The following PTCD1 variants were observed in gnomAD, a reference collection of about 807,000 sequenced individuals.
PTCD1 encodes the protein pentatricopeptide repeat-containing protein 1, mitochondrial.
PTCD1 carries 50 observed loss-of-function variants against 53.4 expected under a neutral mutation model. That is an observed-to-expected ratio of 0.94 (90% CI 0.75 to 1.19). PTCD1 has a LOEUF of 1.19. Among genes scored for constraint, PTCD1 ranks in the 50% most tolerant of loss-of-function variants. PTCD1 has a pLI of 0.00. For missense variants in PTCD1, 918 were observed against 904.8 expected, an observed-to-expected ratio of 1.01 and a Z score of -0.19; for synonymous variants, 413 against 394.8, an observed-to-expected ratio of 1.05 and a Z score of -0.55.
intron 7 of PTCD1, among the ~76,000 whole-genome samples, chr7:99,422,633 C>G (rs1470087935): frequency 6.6e-6 from 1 of 152,206 alleles, no homozygotes; most frequent in Non-Finnish European, 1.5e-5. Flanking sequence ...AAAAATCGAG[C>G]TGCAGACATA....
chr7:99,427,639 A>G (rs1435644995), intron 5 of PTCD1, among the ~76,000 whole-genome samples: 24 of 148,916 alleles, frequency 1.6e-4, no homozygotes, highest in South Asian at 2.1e-4. Context: ...CCATGATGAC[A>G]GTGGCGGTTT....
Position 99,434,665 on chromosome 7 carries a change from A to G in PTCD1, c.453+125T>C, listed in dbSNP as rs73711277. ...AAAGGGTTGCGATACTTACAGCCAT[A>G]AGGCTGGCAGTTCAACAGGGTAGGC... On this transcript the variant is annotated intron_variant, in intron 2 of 7. Transcript: ENST00000292478. The G allele has an allele frequency of 1.1e-3, 1,268 of 1,186,290 alleles. 14 individuals carry two copies. The African/African-American group carries it at 0.017, about 16-fold the overall frequency. The allele number at this position is 1,186,290 out of a possible 1,614,324, so 73.5% of individuals were successfully genotyped here. A position where few individuals can be genotyped will look rare whatever the true frequency, so the allele number is the denominator to read the frequency against.
At chr7:99,435,721 C>T (rs1796440045) in intron 1 of PTCD1, among the ~76,000 whole-genome samples, 1 of 151,654 alleles carries the variant, frequency 6.6e-6, no homozygotes, top group Non-Finnish European at 1.5e-5. Flanking sequence ...TTTGGGAGGC[C>T]GAGGCGGGCA....
At chr7:99,424,166 C>T (rs138453346) in intron 6 of PTCD1, among the ~76,000 whole-genome samples, 124 of 152,308 alleles carry the variant, frequency 8.1e-4, no homozygotes, top group African/African-American at 2.9e-3. Context: ...CGGAAAAGGA[C>T]GCTCGTGCTG....
chr7:99,422,749 T>C (rs931043140), intron 7 of PTCD1, among the ~76,000 whole-genome samples: 1 of 152,172 alleles, frequency 6.6e-6, no homozygotes, highest in Non-Finnish European at 1.5e-5. Flanking sequence ...CATCTTCCCT[T>C]CTTTGTTGCC....
chr7:99,428,965 G>A, intron 5 of PTCD1, 138 bp downstream of exon 5: 1 of 1,057,694 alleles, frequency 9.5e-7, no homozygotes, highest in Non-Finnish European at 1.4e-6. Flanking sequence ...GGAGGCTACA[G>A]TGGCTGCTGG....
At chr7:99,438,594 A>G (rs1032208961) in intron 1 of PTCD1, 98 bp downstream of exon 1, 11 of 1,137,920 alleles carry the variant, frequency 9.7e-6, no homozygotes, top group South Asian at 5.1e-5. Context: ...CCCTCCTCAG[A>G]CGCCCCCGGC....
Position 99,423,884 on chromosome 7 carries a change from G to A in PTCD1, c.1811C>T (p.Thr604Ile). 1 of 1,614,192 alleles carries A rather than the reference G, an allele frequency of 6.2e-7. No individual in the cohort carries two copies. Among genetic ancestry groups the A allele is most frequent in the Non-Finnish European group, 8.5e-7 (1 of 1,180,042 alleles). ...GTCCTTCAAGATGCTGATGAGATAG[G>A]TGTAGTTCAGCTTCCTGATGGCCGC... ...INAAIRKLNY[T>I]YLISILKDMK... Residue 604 changes from threonine (T) to isoleucine (I), a missense_variant, in exon 7 of 8, where the codon ACC becomes ATC. Coordinates refer to ENST00000292478, the MANE Select transcript of PTCD1 (RefSeq NM_015545.4).
At chr7:99,426,592 C>T (rs905117483) in intron 5 of PTCD1, among the ~76,000 whole-genome samples, 39 of 152,014 alleles carry the variant, frequency 2.6e-4, no homozygotes, top group African/African-American at 6.3e-4. Context: ...CCAAGACGGC[C>T]GCCACCCCGT....
chr7:99,429,257 G>C, intron 4 of PTCD1, 53 bp from the exon 5 acceptor site: 1 of 1,600,256 alleles, frequency 6.2e-7, no homozygotes, highest in Non-Finnish European at 8.6e-7. Context: ...GGCTGGGCAT[G>C]GTAGCTCATG....
chr7:99,423,250 G>A (rs1795896226), intron 7 of PTCD1, among the ~76,000 whole-genome samples: 1 of 152,132 alleles, frequency 6.6e-6, no homozygotes, highest in Non-Finnish European at 1.5e-5. Context: ...CAACGTGCAG[G>A]TGCTGGGGAC....
intron 1 of PTCD1, 47 bp downstream of exon 1, chr7:99,438,645 C>A: frequency 8.1e-7 from 1 of 1,235,814 alleles, no homozygotes; most frequent in Non-Finnish European, 1.0e-6. Flanking sequence ...TCTGGCGTGT[C>A]TTGGCCCGGG....
intron 1 of PTCD1, among the ~76,000 whole-genome samples, chr7:99,437,484 T>C (rs1411456520): frequency 1.3e-5 from 2 of 151,976 alleles, no homozygotes; most frequent in African/African-American, 4.8e-5. Flanking sequence ...TTTGTATTTT[T>C]AGTAGAGACA....
In PTCD1 at chr7:99,418,559, G is replaced by A. The variant is rs1795637672; in HGVS notation, c.*1408C>T. 1 of 152,750 alleles carries A rather than the reference G, an allele frequency of 6.5e-6. No individual in the cohort carries two copies. Among genetic ancestry groups the A allele is most frequent in the African/African-American group, 2.4e-5 (1 of 41,480 alleles). The allele number at this position is 152,750 out of a possible 1,614,324, so 9.5% of individuals were successfully genotyped here. A position where few individuals can be genotyped will look rare whatever the true frequency, so the allele number is the denominator to read the frequency against. ...AGTGAGACTGACAATGGAGAGCTGT[G>A]GCTGGATGCTGAGGACTTGGGTACT... On this transcript the variant is annotated 3_prime_UTR_variant, in exon 8 of 8. Transcript: ENST00000292478.
At chr7:99,435,866 C>A (rs188796444) in intron 1 of PTCD1, among the ~76,000 whole-genome samples, 2,030 of 143,320 alleles carry the variant, frequency 0.014, 22 homozygotes, top group Non-Finnish European at 0.02. Context: ...ACCCAGGAGA[C>A]GGAGCTTGCA....
chr7:99,426,749 G>A (rs1242509674), intron 5 of PTCD1, among the ~76,000 whole-genome samples: 2 of 151,722 alleles, frequency 1.3e-5, no homozygotes, highest in South Asian at 2.1e-4. Context: ...CTTCCCGGCC[G>A]CCATCCCATC....
At chr7:99,424,359 C>T (rs114445721) in intron 6 of PTCD1, among the ~76,000 whole-genome samples, 1,725 of 152,294 alleles carry the variant, frequency 0.011, 27 homozygotes, top group African/African-American at 0.038. Context: ...GACCTGGGGA[C>T]ACCGACAACC....
rs1796335871 is a variant in PTCD1, at chr7:99,433,362, C to A, written c.510G>T (p.Gln170His). 1 of 1,614,096 alleles carries A rather than the reference C, an allele frequency of 6.2e-7. No homozygotes were observed. Among genetic ancestry groups the A allele is most frequent in the African/African-American group, 1.3e-5 (1 of 74,916 alleles). The change falls in exon 3 of 8, where the codon CAG (glutamine) becomes CAT (histidine). Residue 170 changes from glutamine to histidine, a missense_variant. Physicochemically the swap from Gln to His is conservative, Grantham distance 24. Transcript: ENST00000292478. The part of the protein sequence containing the change: ...ERQMLKEERL[Q>H]PMESNYTVLI... ...GCACCGTGTAGTTGCTCTCCATGGGCTGCAATCGCTCCTCCTTCAGCATCT... is the reference window on the plus strand; with the variant it reads ...GCACCGTGTAGTTGCTCTCCATGGGATGCAATCGCTCCTCCTTCAGCATCT...
chr7:99,425,758 A>G lies in PTCD1; in HGVS notation c.916-142T>C, dbSNP rs1795989013. ...GGAGTTCGAGACAAGACCGGGCAAC[A>G]TAGCAAGACCCTGCCTCAAAAAAAT... On this transcript the variant is annotated intron_variant, in intron 5 of 7. Transcript: ENST00000292478. The G allele has an allele frequency of 3.4e-6, 4 of 1,163,342 alleles. No individual in the cohort carries two copies. In the Admixed American group the frequency reaches 6.1e-5, roughly 18 times the overall value. The allele number at this position is 1,163,342 out of a possible 1,614,324, so 72.1% of individuals were successfully genotyped here. A position where few individuals can be genotyped will look rare whatever the true frequency, so the allele number is the denominator to read the frequency against.
Sources: allele counts gnomAD v4.1 joint callset (sites outside exome capture counted in the v4.1 genomes callset), GRCh38; gene constraint gnomAD v4.1.1; transcripts MANE v1.5; gene names NCBI Gene and HGNC (gene_info 2026-07-23, HGNC 2026-07-21).